PDE4D: variants seen among roughly 807,000 people sequenced by gnomAD.
PDE4D encodes 3',5'-cyclic-AMP phosphodiesterase 4D.
Under a neutral mutation model 87.4 loss-of-function variants are expected in PDE4D, and 24 were observed. The observed-to-expected ratio is 0.27, with a 90% confidence interval of 0.20 to 0.39. PDE4D has a LOEUF of 0.39. Among genes scored for constraint, PDE4D ranks in the 10% least tolerant of loss-of-function variants. The probability of loss-of-function intolerance (pLI) is 1.00; values close to 1 mark genes in which losing one functional copy is unlikely to be tolerated. For synonymous variants in PDE4D, 384 were observed against 383.2 expected, an observed-to-expected ratio of 1.00 and a Z score of -0.02; for missense variants, 714 against 1,041.0, an observed-to-expected ratio of 0.69 and a Z score of 4.32.
At chr5:59,454,432 T>G (rs1799611022) in intron 1 of PDE4D, among the ~76,000 whole-genome samples, 1 of 152,212 alleles carries the variant, frequency 6.6e-6, no homozygotes, top group Admixed American at 6.5e-5. Context: ...AAGCTCTCTC[T>G]TTGCCTGCCG....
At chr5:59,320,293 T>A (rs1015742538) in intron 1 of PDE4D, among the ~76,000 whole-genome samples, 4 of 151,998 alleles carry the variant, frequency 2.6e-5, no homozygotes, top group African/African-American at 9.7e-5. Context: ...CTTAGAATCG[T>A]GCCTAACTTA....
chr5:58,993,307 C>T (rs1748362054), intron 7 of PDE4D, 65 bp downstream of exon 7: 4 of 900,576 alleles, frequency 4.4e-6, no homozygotes, highest in Non-Finnish European at 6.8e-6. Flanking sequence ...CACCCCAATC[C>T]TCCTACAAAA....
chr5:59,240,250 T>A (rs1286780421), intron 1 of PDE4D, among the ~76,000 whole-genome samples: 3 of 152,126 alleles, frequency 2.0e-5, no homozygotes, highest in African/African-American at 7.2e-5. Flanking sequence ...GACAGTGACT[T>A]TGTCAGAGGA....
At chr5:60,100,537 T>C (rs1386320306) in intron 2 of PDE4D, among the ~76,000 whole-genome samples, 1 of 152,008 alleles carries the variant, frequency 6.6e-6, no homozygotes, top group African/African-American at 2.4e-5. Context: ...TCATCCATAC[T>C]TCCTTCACAA....
At chr5:59,863,360 T>C (rs1746553933) in intron 1 of PDE4D, among the ~76,000 whole-genome samples, 1 of 152,186 alleles carries the variant, frequency 6.6e-6, no homozygotes, top group African/African-American at 2.4e-5. Flanking sequence ...ATTAACTTTT[T>C]GTTTTGTTAA....
intron 2 of PDE4D, among the ~76,000 whole-genome samples, chr5:60,036,712 C>T (rs1767846358): frequency 6.6e-6 from 1 of 152,150 alleles, no homozygotes. Flanking sequence ...CAAACACAAG[C>T]CTGACTACGG....
intron 6 of PDE4D, among the ~76,000 whole-genome samples, chr5:59,037,284 T>G (rs1758693466): frequency 6.6e-6 from 1 of 152,194 alleles, no homozygotes. Context: ...CACTAATGCT[T>G]GCACATTGCT....
intron 1 of PDE4D, among the ~76,000 whole-genome samples, chr5:59,773,793 T>G (rs1763810733): frequency 6.6e-6 from 1 of 152,068 alleles, no homozygotes; most frequent in African/African-American, 2.4e-5. Flanking sequence ...TAGAACATGG[T>G]TTTTCAAATC....
intron 2 of PDE4D, among the ~76,000 whole-genome samples, chr5:60,137,574 C>A (rs574403597): frequency 6.6e-6 from 1 of 151,900 alleles, no homozygotes; most frequent in African/African-American, 2.4e-5. Flanking sequence ...TGTTTGTTGG[C>A]CACATGAATG....
At chr5:59,857,985 TGAAGGAAG>T (rs754706328) in intron 1 of PDE4D, among the ~76,000 whole-genome samples, 2 of 95,400 alleles carry the variant, frequency 2.1e-5, no homozygotes, top group South Asian at 3.7e-4. Context: ...GAAGGAGAGA[TGAAGGAAG>T]GAAGGAAGGA....
At chr5:60,474,241 A>C (rs1211397735) in intron 1 of PDE4D, among the ~76,000 whole-genome samples, 3 of 150,318 alleles carry the variant, frequency 2.0e-5, no homozygotes, top group African/African-American at 4.9e-5. Flanking sequence ...AGGCACCAGC[A>C]GATTAAATGT....
chr5:60,132,504 A>T (rs1779672422), intron 2 of PDE4D, among the ~76,000 whole-genome samples: 1 of 152,194 alleles, frequency 6.6e-6, no homozygotes, highest in Non-Finnish European at 1.5e-5. Context: ...AAAAAATAAT[A>T]GAATCAGTAT....
At chr5:59,325,301 T>C (rs369155555) in intron 1 of PDE4D, among the ~76,000 whole-genome samples, 24 of 152,160 alleles carry the variant, frequency 1.6e-4, no homozygotes, top group African/African-American at 5.8e-4. Flanking sequence ...AGGTGATAGC[T>C]GAACCCACAA....
At chr5:60,187,920 CAT>C (rs1364420493) in intron 1 of PDE4D, among the ~76,000 whole-genome samples, 2 of 152,164 alleles carry the variant, frequency 1.3e-5, no homozygotes, top group East Asian at 3.8e-4. Context: ...TAATAATACA[CAT>C]ATGTGTTTTC....
chr5:59,147,248 G>T (rs530543884), intron 5 of PDE4D, among the ~76,000 whole-genome samples: 3 of 152,218 alleles, frequency 2.0e-5, no homozygotes, highest in African/African-American at 7.2e-5. Flanking sequence ...TTTAAAAATT[G>T]AATGTCTTTG....
intron 1 of PDE4D, among the ~76,000 whole-genome samples, chr5:59,876,876 C>T (rs1009574718): frequency 1.3e-5 from 2 of 151,784 alleles, no homozygotes; most frequent in African/African-American, 2.4e-5. Context: ...TATCCTAATA[C>T]TAAGATGAAG....
chr5:60,415,429 G>A (rs1442369852), intron 1 of PDE4D, among the ~76,000 whole-genome samples: 7 of 152,358 alleles, frequency 4.6e-5, no homozygotes, highest in South Asian at 2.1e-4. Flanking sequence ...CGGAGCCGGC[G>A]CCCTCAGCTT....
chr5:60,241,984 C>A (rs1747181029), intron 1 of PDE4D, among the ~76,000 whole-genome samples: 1 of 152,024 alleles, frequency 6.6e-6, no homozygotes, highest in Admixed American at 6.6e-5. Flanking sequence ...ACCTTAAAGA[C>A]CAGGAGAGAG....
chr5:59,302,614 T>A (rs1418611047), intron 1 of PDE4D, among the ~76,000 whole-genome samples: 1 of 151,918 alleles, frequency 6.6e-6, no homozygotes, highest in Non-Finnish European at 1.5e-5. Context: ...CACATATCAG[T>A]GAGAACATAT....
Sources: allele counts gnomAD v4.1 joint callset (sites outside exome capture counted in the v4.1 genomes callset), GRCh38; gene constraint gnomAD v4.1.1; transcripts MANE v1.5; gene names NCBI Gene and HGNC (gene_info 2026-07-23, HGNC 2026-07-21).